KCNQ3: variants seen among roughly 807,000 people sequenced by gnomAD.
KCNQ3 encodes potassium voltage-gated channel subfamily Q member 3, also known as potassium voltage-gated channel subfamily KQT member 3.
A neutral mutation model predicts 92.5 loss-of-function variants in KCNQ3; 30 were observed. The ratio of observed to expected loss-of-function variants is 0.32; its 90% CI spans 0.24 to 0.44. The LOEUF (loss-of-function observed/expected upper bound fraction) is 0.44, where lower values mean the gene tolerates loss of function less well. Ranked by LOEUF, KCNQ3 falls within the 20% of genes least tolerant of loss-of-function variation. The pLI is 1.00. For synonymous variants in KCNQ3, 450 were observed against 468.8 expected (o/e 0.96, Z 0.52); for missense variants, 913 against 1,140.3 (o/e 0.80, Z 2.87).
intron 1 of KCNQ3, among the ~76,000 whole-genome samples, chr8:132,224,307 G>C (rs1814337278): frequency 6.6e-6 from 1 of 151,770 alleles, no homozygotes; most frequent in African/African-American, 2.4e-5. Context: ...GAAAGTGATG[G>C]AGTTAGCCTG....
At chr8:132,443,006 A>T (rs1314548691) in intron 1 of KCNQ3, among the ~76,000 whole-genome samples, 1 of 152,224 alleles carries the variant, frequency 6.6e-6, no homozygotes, top group Non-Finnish European at 1.5e-5. Context: ...AGCTCAGGCC[A>T]TAAATCCTCA....
chr8:132,394,965 A>T (rs944430754), intron 1 of KCNQ3, among the ~76,000 whole-genome samples: 1 of 152,182 alleles, frequency 6.6e-6, no homozygotes, highest in African/African-American at 2.4e-5. Context: ...CCTGCTGGTA[A>T]TGGGGCCTGC....
chr8:132,442,236 T>C (rs529595029), intron 1 of KCNQ3, among the ~76,000 whole-genome samples: 23 of 152,186 alleles, frequency 1.5e-4, no homozygotes, highest in African/African-American at 5.1e-4. Context: ...AATGAAAGTT[T>C]AAAAAAAGAA....
chr8:132,475,154 A>G (rs1323748697), intron 1 of KCNQ3, among the ~76,000 whole-genome samples: 1 of 152,224 alleles, frequency 6.6e-6, no homozygotes, highest in Non-Finnish European at 1.5e-5. Flanking sequence ...CAGAACTGTG[A>G]GTCAACTAAA....
At chr8:132,450,805 C>T (rs563374912) in intron 1 of KCNQ3, among the ~76,000 whole-genome samples, 1 of 152,322 alleles carries the variant, frequency 6.6e-6, no homozygotes, top group African/African-American at 2.4e-5. Flanking sequence ...CTTTCCTCAT[C>T]ATCACCGTCC....
At chr8:132,456,859 C>T (rs1226460483) in intron 1 of KCNQ3, among the ~76,000 whole-genome samples, 1 of 152,084 alleles carries the variant, frequency 6.6e-6, no homozygotes, top group Non-Finnish European at 1.5e-5. Context: ...GTGATCTGCC[C>T]GCCTCAGCCT....
intron 1 of KCNQ3, among the ~76,000 whole-genome samples, chr8:132,314,721 A>T (rs897113098): frequency 2.6e-5 from 4 of 152,374 alleles, no homozygotes; most frequent in African/African-American, 9.6e-5. Context: ...AGAATGATCC[A>T]ATAAATGTTT....
In KCNQ3 at chr8:132,132,224, C is replaced by G. The variant is rs756796196; in HGVS notation, c.1840G>C (p.Glu614Gln). ...AACTTCCCCATCATGCTTTGGTCTTCGATTTCTGATGTGGATGGTCTGGCT... is the reference window on the plus strand; with the variant it reads ...AACTTCCCCATCATGCTTTGGTCTTGGATTTCTGATGTGGATGGTCTGGCT... ...YVARPSTSEIEDQSMMGKFVK... is the reference protein window; with the variant it reads ...YVARPSTSEIQDQSMMGKFVK... The change falls in exon 14 of 15, where the codon GAA becomes CAA. Residue 614 changes from glutamate to glutamine, a missense_variant. By Grantham distance (29) the Glu-to-Gln change is conservative (BLOSUM62 2). Transcript: ENST00000388996. The G allele has an allele frequency of 6.2e-7, 1 of 1,613,738 alleles. No individual in the cohort carries two copies. The highest frequency in any genetic ancestry group is 8.5e-7 in the Non-Finnish European group (1 of 1,179,756).
chr8:132,304,412 C>A (rs1400558734), intron 1 of KCNQ3, among the ~76,000 whole-genome samples: 2 of 152,160 alleles, frequency 1.3e-5, no homozygotes, highest in Non-Finnish European at 2.9e-5. Flanking sequence ...CCAATAATAA[C>A]CATTGTAATT....
At chr8:132,223,902 A>G (rs1460269991) in intron 1 of KCNQ3, among the ~76,000 whole-genome samples, 1 of 151,982 alleles carries the variant, frequency 6.6e-6, no homozygotes, top group Non-Finnish European at 1.5e-5. Flanking sequence ...TAAAAATCCA[A>G]TAACAAATCT....
intron 1 of KCNQ3, among the ~76,000 whole-genome samples, chr8:132,220,341 G>C (rs1248889138): frequency 6.6e-6 from 1 of 152,166 alleles, no homozygotes; most frequent in Non-Finnish European, 1.5e-5. Flanking sequence ...ACTCTTTAAG[G>C]CATCATGGCC....
chr8:132,268,553 C>T (rs1307110992), intron 1 of KCNQ3, among the ~76,000 whole-genome samples: 9 of 152,322 alleles, frequency 5.9e-5, no homozygotes, highest in African/African-American at 1.2e-4. Flanking sequence ...GCCACCGCGC[C>T]GGCCAGCTCA....
intron 1 of KCNQ3, among the ~76,000 whole-genome samples, chr8:132,260,056 T>C (rs1391216150): frequency 6.6e-6 from 1 of 152,160 alleles, no homozygotes; most frequent in African/African-American, 2.4e-5. Flanking sequence ...TTTAGCATTG[T>C]TAAGATGAAA....
At chr8:132,347,678 G>A (rs1321868800) in intron 1 of KCNQ3, among the ~76,000 whole-genome samples, 1 of 152,136 alleles carries the variant, frequency 6.6e-6, no homozygotes, top group Non-Finnish European at 1.5e-5. Context: ...AAGTTATCCA[G>A]GTAAAAAGAG....
chr8:132,449,150 G>T (rs1486681877), intron 1 of KCNQ3, among the ~76,000 whole-genome samples: 1 of 152,214 alleles, frequency 6.6e-6, no homozygotes, highest in Non-Finnish European at 1.5e-5. Flanking sequence ...AGAGCCCCAT[G>T]TGTACCTCCT....
rs1006721421 is a variant in KCNQ3 at position 132,343,184 on chromosome 8, T to C, written c.386+136963A>G. ...GTGGTGAATCACAGTGTTCAATGGA[T>C]TTGCTTGCTCACTCCATTTCATCCA... is the stretch of plus-strand genomic sequence containing the variant. On this transcript the variant is annotated intron_variant, in intron 1 of 14. Transcript: ENST00000388996. Among the ~76,000 whole-genome samples, 3 of 152,236 alleles carry C rather than the reference T, an allele frequency of 2.0e-5. No individual in the cohort carries two copies. In the South Asian group the frequency reaches 6.2e-4, roughly 32 times the overall value.
At chr8:132,289,973 C>T (rs534619735) in intron 1 of KCNQ3, among the ~76,000 whole-genome samples, 24 of 152,266 alleles carry the variant, frequency 1.6e-4, no homozygotes, top group African/African-American at 5.8e-4. Flanking sequence ...TTTGTAGACT[C>T]TTCCCTGCAT....
rs1396356253 is a variant in KCNQ3, at chr8:132,127,011, A to G, written c.*2251T>C. The G allele has an allele frequency of 6.6e-6, 1 of 152,196 alleles. No homozygotes were observed. Among genetic ancestry groups the G allele is most frequent in the African/African-American group, 2.4e-5 (1 of 41,452 alleles). 9.4% of individuals were successfully genotyped at this position (152,196 alleles called of 1,614,324 possible). A position where few individuals can be genotyped will look rare whatever the true frequency, so the allele number is the denominator to read the frequency against. On this transcript the variant is annotated 3_prime_UTR_variant, in exon 15 of 15. Transcript: ENST00000388996. The stretch of plus-strand genomic sequence containing the variant: ...TGTACATAAAGAAGAGCATAGTAAC[A>G]TGTTGGATGTTAGGCAGGTGATCAT...
chr8:132,458,197 G>A (rs1821986188), intron 1 of KCNQ3, among the ~76,000 whole-genome samples: 1 of 152,174 alleles, frequency 6.6e-6, no homozygotes, highest in South Asian at 2.1e-4. Context: ...GTCAGGAGTA[G>A]GGCCACACAG....
Sources: gnomAD v4.1 joint callset for allele counts (sites outside exome capture counted in the v4.1 genomes callset) on GRCh38, gnomAD v4.1.1 for gene constraint, MANE v1.5 for transcripts, NCBI Gene and HGNC (gene_info 2026-07-23, HGNC 2026-07-21) for gene names.